Variants in SPAG16 observed in about 807,000 individuals in gnomAD.
The protein encoded by SPAG16 is sperm associated antigen 16, also known as sperm-associated antigen 16 protein.
A neutral mutation model predicts 80.4 loss-of-function variants in SPAG16; 86 were observed. The observed-to-expected ratio is 1.07, with a 90% confidence interval of 0.90 to 1.28. The LOEUF is 1.28. Among genes scored for constraint, SPAG16 ranks in the 50% most tolerant of loss-of-function variants. The pLI is 0.00. For missense variants in SPAG16, 870 were observed against 765.3 expected (o/e 1.14, Z -1.61); for synonymous variants, 294 against 265.9 (o/e 1.11, Z -1.03).
chr2:213,987,866 AAAT>A (rs1290624478), intron 12 of SPAG16, among the ~76,000 whole-genome samples: 3 of 147,808 alleles, frequency 2.0e-5, no homozygotes, highest in East Asian at 1.9e-4. Flanking sequence ...ATAAATATAA[AAAT>A]AATAGTGTAA....
chr2:214,261,695 A>G lies in SPAG16; in HGVS notation c.1720+112429A>G, dbSNP rs1691190915. On this transcript the variant is annotated intron_variant, in intron 15 of 15. Coordinates refer to ENST00000331683, the MANE Select transcript of SPAG16 (RefSeq NM_024532.5). ...AGTAATTTTTTATTTGTGCTTATTA[A>G]GTTAAATTTTTCTTTTTTCTATCAT... Among the ~76,000 whole-genome samples the G allele has an allele frequency of 2.0e-5, 3 of 152,200 alleles. No individual in the cohort carries two copies. In the South Asian group the frequency reaches 6.2e-4, roughly 31 times the overall value.
At chr2:213,612,863 T>C (rs2061480959) in intron 10 of SPAG16, among the ~76,000 whole-genome samples, 1 of 152,006 alleles carries the variant, frequency 6.6e-6, no homozygotes, top group Non-Finnish European at 1.5e-5. Context: ...TTTGTATTTT[T>C]AGTAGAGATG....
At chr2:213,942,578 T>C (rs2079255897) in intron 12 of SPAG16, among the ~76,000 whole-genome samples, 1 of 152,206 alleles carries the variant, frequency 6.6e-6, no homozygotes, top group Non-Finnish European at 1.5e-5. Flanking sequence ...GGAATAGTCA[T>C]TCACGTGTTT....
rs558753611 is a variant in SPAG16, at chr2:214,178,265, A to AT, written c.1720+29004dup. On this transcript the variant is annotated intron_variant, in intron 15 of 15. Coordinates refer to ENST00000331683, the MANE Select transcript of SPAG16 (RefSeq NM_024532.5). ...CAGAGTTTTGCAAACACTGTGCTATATTTTTATAATAAACCAATCTAGGAA... is the reference window on the plus strand; with the variant it reads ...CAGAGTTTTGCAAACACTGTGCTATATTTTTTATAATAAACCAATCTAGGAA... 6.0e-4 allele frequency among the ~76,000 whole-genome samples: 91 copies of AT among 150,864 alleles called. 1 individual carries two copies. The East Asian group carries it at 0.017, about 29-fold the overall frequency.
At chr2:213,415,214 C>G (rs1456608347) in intron 9 of SPAG16, among the ~76,000 whole-genome samples, 1 of 152,150 alleles carries the variant, frequency 6.6e-6, no homozygotes, top group Non-Finnish European at 1.5e-5. Context: ...CCAGCACATG[C>G]AAAGATCTAG....
At chr2:213,705,697 A>C (rs1297152969) in intron 10 of SPAG16, among the ~76,000 whole-genome samples, 1 of 152,210 alleles carries the variant, frequency 6.6e-6, no homozygotes, top group Non-Finnish European at 1.5e-5. Flanking sequence ...ACTCCCTTAA[A>C]GCAATACATT....
intron 10 of SPAG16, among the ~76,000 whole-genome samples, chr2:213,738,223 G>T (rs1284652978): frequency 1.3e-5 from 2 of 152,070 alleles, no homozygotes; most frequent in East Asian, 1.9e-4. Flanking sequence ...GTCTTTACAT[G>T]GGGGATACAT....
At chr2:214,347,315 A>G (rs2126041771) in intron 15 of SPAG16, among the ~76,000 whole-genome samples, 1 of 151,508 alleles carries the variant, frequency 6.6e-6, no homozygotes, top group East Asian at 2.0e-4. Context: ...AAAATGAGAG[A>G]TGAGACAGAT....
chr2:213,407,617 G>C (rs1486119182), intron 9 of SPAG16, among the ~76,000 whole-genome samples: 10 of 131,258 alleles, frequency 7.6e-5, no homozygotes, highest in South Asian at 2.4e-4. Context: ...GAGAGAGAGA[G>C]AGAGAGAGAG....
chr2:214,178,623 A>G (rs956402402), intron 15 of SPAG16, among the ~76,000 whole-genome samples: 1 of 151,372 alleles, frequency 6.6e-6, no homozygotes, highest in East Asian at 1.9e-4. Flanking sequence ...GCTGATTCAC[A>G]TGCAGGAAAA....
chr2:213,674,151 G>A (rs368691986), intron 10 of SPAG16, among the ~76,000 whole-genome samples: 2 of 152,172 alleles, frequency 1.3e-5, no homozygotes, highest in East Asian at 3.9e-4. Context: ...ACCTGCTGAA[G>A]TAAAAATAAT....
chr2:213,913,712 T>C (rs2077813229), intron 11 of SPAG16, among the ~76,000 whole-genome samples: 1 of 151,816 alleles, frequency 6.6e-6, no homozygotes, highest in African/African-American at 2.4e-5. Context: ...TGTATGCATA[T>C]ATATACAAAG....
chr2:213,329,513 G>C (rs1476553084), intron 5 of SPAG16, among the ~76,000 whole-genome samples: 1 of 152,154 alleles, frequency 6.6e-6, no homozygotes, highest in Non-Finnish European at 1.5e-5. Context: ...AGATGATTTA[G>C]GTTATTATCT....
chr2:213,695,834 C>T (rs2065132539), intron 10 of SPAG16, among the ~76,000 whole-genome samples: 1 of 152,150 alleles, frequency 6.6e-6, no homozygotes, highest in Non-Finnish European at 1.5e-5. Flanking sequence ...ATTAGAAGGT[C>T]AATCAGGAGC....
chr2:213,998,717 T>G (rs1189975565), intron 12 of SPAG16, among the ~76,000 whole-genome samples: 2 of 152,200 alleles, frequency 1.3e-5, no homozygotes, highest in Non-Finnish European at 2.9e-5. Flanking sequence ...ATAGACTAGT[T>G]GAATGGCTTT....
intron 7 of SPAG16, among the ~76,000 whole-genome samples, chr2:213,355,476 T>C (rs1045484429): frequency 6.6e-6 from 1 of 152,250 alleles, no homozygotes; most frequent in Non-Finnish European, 1.5e-5. Context: ...TTTCAAGATA[T>C]TGATTGTTCC....
chr2:213,678,676 T>C (rs1325310566), intron 10 of SPAG16, among the ~76,000 whole-genome samples: 3 of 152,174 alleles, frequency 2.0e-5, no homozygotes, highest in Non-Finnish European at 4.4e-5. Context: ...CCTACCCTCC[T>C]ACTGCAGAAA....
intron 10 of SPAG16, among the ~76,000 whole-genome samples, chr2:213,557,596 G>C (rs772084032): frequency 6.6e-6 from 1 of 152,170 alleles, no homozygotes; most frequent in South Asian, 2.1e-4. Context: ...ATAAAAAGCA[G>C]TAGTTTATAC....
At chr2:213,338,145 C>CT (rs1197023525) in intron 5 of SPAG16, among the ~76,000 whole-genome samples, 1 of 152,104 alleles carries the variant, frequency 6.6e-6, no homozygotes, top group African/African-American at 2.4e-5. Flanking sequence ...GAAATAAAAT[C>CT]TTTTTCAGAC....
Sources: allele counts gnomAD v4.1 joint callset (sites outside exome capture counted in the v4.1 genomes callset), GRCh38; gene constraint gnomAD v4.1.1; transcripts MANE v1.5; gene names NCBI Gene and HGNC (gene_info 2026-07-23, HGNC 2026-07-21).